SIRPB1: variants seen among roughly 807,000 people sequenced by gnomAD.
SIRPB1 encodes signal regulatory protein beta 1.
In SIRPB1, 28 loss-of-function variants were observed where a neutral mutation model predicts 34.1. That is an observed-to-expected ratio of 0.82 (90% CI 0.61 to 1.12). The LOEUF (loss-of-function observed/expected upper bound fraction) is 1.12. SIRPB1 is among the 50% of genes most tolerant of loss of function. The pLI, the probability that SIRPB1 is intolerant of heterozygous loss-of-function variation, is 0.00. For synonymous variants in SIRPB1, 211 were observed against 203.8 expected (o/e 1.04, Z -0.30); for missense variants, 499 against 507.0 (o/e 0.98, Z 0.15).
chr20:1,579,662 A>G lies in SIRPB1; in HGVS notation c.77-968T>C, dbSNP rs182218816. ...AATTTTTCACCCATAGCATAATCAC[A>G]TTACCTAAGTTTCCTAATGCTGATG... On this transcript the variant is annotated intron_variant, in intron 1 of 5. Coordinates refer to ENST00000381605, the MANE Select transcript of SIRPB1 (RefSeq NM_006065.5). Among the ~76,000 whole-genome samples the G allele has an allele frequency of 2.8e-4, 41 of 148,796 alleles. No individual in the cohort carries two copies. In the East Asian group the frequency reaches 7.5e-3, roughly 27 times the overall value.
intron 4 of SIRPB1, among the ~76,000 whole-genome samples, chr20:1,567,018 G>A (rs1489886960): frequency 2.0e-5 from 3 of 152,118 alleles, no homozygotes; most frequent in Non-Finnish European, 2.9e-5. Context: ...TCAGATCTAC[G>A]GAAGCTCATG....
intron 1 of SIRPB1, among the ~76,000 whole-genome samples, chr20:1,617,551 G>T (rs1335224568): frequency 6.6e-6 from 1 of 152,326 alleles, no homozygotes; most frequent in Non-Finnish European, 1.5e-5. Context: ...CATTTGGAGA[G>T]ATATTGGTCA....
Position 1,601,125 on chromosome 20 carries a change from C to T in SIRPB1, c.76+18744G>A, listed in dbSNP as rs2091474654. On this transcript the variant is annotated intron_variant, in intron 1 of 5. Transcript: ENST00000381605. ...GTGTAAAAACCAGAGGACTTCTTGGCAGCAGTGTAGATTGTTATCTCCTGG... is the reference window on the plus strand; with the variant it reads ...GTGTAAAAACCAGAGGACTTCTTGGTAGCAGTGTAGATTGTTATCTCCTGG... Among the ~76,000 whole-genome samples, 2 of 48,884 alleles carry T rather than the reference C, an allele frequency of 4.1e-5. 1 individual carries two copies. The highest frequency in any genetic ancestry group is 7.9e-5 in the Non-Finnish European group (2 of 25,326). The allele number at this position is 48,884 out of a possible 152,430, so 32.1% of individuals were successfully genotyped here.
In SIRPB1 at chr20:1,578,327, G is replaced by A. The variant is rs776657118; in HGVS notation, c.433+11C>T. 4 of 1,578,754 alleles carry A rather than the reference G, an allele frequency of 2.5e-6. 1 individual carries two copies. Among genetic ancestry groups the A allele is most frequent in the Non-Finnish European group, 3.5e-6 (4 of 1,152,700 alleles). On this transcript the variant is annotated intron_variant, in intron 2 of 5. Transcript: ENST00000381605. ...ACACCAGGGGACAAAGGAGGCCCAC[G>A]CTGTACTCACCGCGCACAGACAGCT...
At chr20:1,572,581 G>A (rs2091258764) in intron 2 of SIRPB1, among the ~76,000 whole-genome samples, 1 of 151,772 alleles carries the variant, frequency 6.6e-6, no homozygotes, top group South Asian at 2.1e-4. Context: ...GGATTCAATG[G>A]GGCAATGGAA....
In SIRPB1 at chr20:1,566,233, T is replaced by C. The variant is rs774955833; in HGVS notation, c.1119A>G (p.Val373=). 8 of 1,611,220 alleles carry C rather than the reference T, an allele frequency of 5.0e-6. No individual in the cohort carries two copies. Among genetic ancestry groups the C allele is most frequent in the South Asian group, 1.1e-5 (1 of 90,308 alleles). ...AALAPTAPLL[V]ALLLGPKLLL... is the part of the protein sequence containing the mutation. ...GCAGCTTGGGGCCCAGGAGGAGAGC[T>C]ACGAGGAGTGGAGCAGTAGGAGCCA... Residue 373 remains valine (V), a synonymous_variant, in exon 5 of 6, where the codon GTA becomes GTG. Transcript: ENST00000381605.
At chr20:1,567,097 T>A (rs1019875033) in intron 4 of SIRPB1, among the ~76,000 whole-genome samples, 15 of 151,872 alleles carry the variant, frequency 9.9e-5, no homozygotes, top group Admixed American at 2.0e-4. Context: ...TTAAAAAAAA[T>A]TTTTTTTAAA....
intron 1 of SIRPB1, among the ~76,000 whole-genome samples, chr20:1,618,989 TC>T (rs2091669932): frequency 6.6e-6 from 1 of 152,044 alleles, no homozygotes; most frequent in Admixed American, 6.5e-5. Flanking sequence ...TTAAATGAGG[TC>T]ATTGGGGTGG....
chr20:1,611,727 C>A (rs776990801), intron 1 of SIRPB1: 2 of 861,792 alleles, frequency 2.3e-6, no homozygotes, highest in Admixed American at 2.6e-5. Context: ...GAAAGGAGCA[C>A]AAAGCAGTCA....
intron 1 of SIRPB1, among the ~76,000 whole-genome samples, chr20:1,615,711 G>A (rs1430271356): frequency 2.6e-5 from 4 of 152,114 alleles, no homozygotes; most frequent in African/African-American, 7.2e-5. Context: ...ATTTATAGAA[G>A]AAAGAGAAGA....
intron 3 of SIRPB1, among the ~76,000 whole-genome samples, chr20:1,571,495 G>T (rs1332657488): frequency 6.6e-6 from 1 of 152,186 alleles, no homozygotes; most frequent in Non-Finnish European, 1.5e-5. Context: ...AGTTGCTCTT[G>T]GTGAAATAAA....
Position 1,578,530 on chromosome 20 carries a change from G to A in SIRPB1, c.241C>T (p.Gln81Ter), listed in dbSNP as rs749507849. 2.5e-6 allele frequency: 4 copies of A among 1,583,946 alleles called. 1 individual carries two copies. Among genetic ancestry groups the A allele is most frequent in the South Asian group, 1.1e-5 (1 of 90,504 alleles). ...AGAGRELIYNQKEGHFPRVTT... is the reference protein window; with the variant it reads ...AGAGRELIYN ...ACCCGTGGGAAGTGGCCTTCTTTCT[G>A]ATTGTAGATTAATTCCCGGCCTGCT... The change falls in exon 2 of 6, where the codon CAG becomes TAG. Residue 81 changes from glutamine (Q) to a stop codon, truncating the protein, a stop_gained. Coordinates refer to ENST00000381605, the MANE Select transcript of SIRPB1 (RefSeq NM_006065.5). LOFTEE classifies it high-confidence loss of function.
chr20:1,579,937 T>C (rs1410682905), intron 1 of SIRPB1, among the ~76,000 whole-genome samples: 1 of 148,252 alleles, frequency 6.7e-6, no homozygotes, highest in African/African-American at 2.5e-5. Context: ...TCTGAGGATT[T>C]TAGTTAATAA....
rs563627213 is a variant in SIRPB1 at position 1,611,990 on chromosome 20, T to G, written c.76+7879A>C. ...TTTTTTTCTTTTCTTTTCTTTTTGT[T>G]TTTCTTTTTCTTTTTTTTAAGACAG... is the stretch of plus-strand genomic sequence containing the variant. On this transcript the variant is annotated intron_variant, in intron 1 of 5. Transcript: ENST00000381605. Among the ~76,000 whole-genome samples, 77 of 71,434 alleles carry G rather than the reference T, an allele frequency of 1.1e-3. 33 individuals are homozygous for G. Among genetic ancestry groups the G allele is most frequent in the African/African-American group, 7.0e-3 (77 of 11,068 alleles). The allele number at this position is 71,434 out of a possible 152,430, so 46.9% of individuals were successfully genotyped here. A position where few individuals can be genotyped will look rare whatever the true frequency, so the allele number is the denominator to read the frequency against.
chr20:1,571,197 TAAATA>T (rs2091230772), intron 3 of SIRPB1, 60 bp from the exon 4 acceptor site: 1 of 1,505,250 alleles, frequency 6.6e-7, no homozygotes, highest in Non-Finnish European at 9.1e-7. Context: ...CAGGGAGGGC[TAAATA>T]ACGTAGCTCC....
intron 1 of SIRPB1, 115 bp downstream of exon 1, chr20:1,619,754 C>T (rs6074903): frequency 1.3e-6 from 1 of 740,872 alleles, no homozygotes; most frequent in Non-Finnish European, 2.2e-6. Context: ...CAGTCAAAGC[C>T]TAATCCTTGG....
chr20:1,610,361 A>G lies in SIRPB1; in HGVS notation c.76+9508T>C, dbSNP rs2091551964. ...TATGGACTCTGGCTCCAATTCTGCC[A>G]CTAACTGGCCCTGTGACCATGGACA... On this transcript the variant is annotated intron_variant, in intron 1 of 5. Transcript: ENST00000381605. 2.8e-5 allele frequency among the ~76,000 whole-genome samples: 2 copies of G among 72,550 alleles called. 1 individual carries two copies. Among genetic ancestry groups the G allele is most frequent in the African/African-American group, 1.7e-4 (2 of 11,470 alleles). 47.6% of individuals were successfully genotyped at this position (72,550 alleles called of 152,430 possible).
At chr20:1,569,745 G>A (rs1247266453) in intron 4 of SIRPB1, among the ~76,000 whole-genome samples, 1 of 152,214 alleles carries the variant, frequency 6.6e-6, no homozygotes, top group Non-Finnish European at 1.5e-5. Context: ...GAATCACAAA[G>A]GATGTTGAAT....
Position 1,561,592 on chromosome 20 carries a change from T to G in SIRPB1, c.*3908A>C, listed in dbSNP as rs1235705234. On this transcript the variant is annotated 3_prime_UTR_variant, in exon 6 of 6. Coordinates refer to ENST00000381605, the MANE Select transcript of SIRPB1 (RefSeq NM_006065.5). ...TCTGGGCCCGATGTTGCAGAATGCC[T>G]CCTTATTGAAATTTGTCTGATGTTT... Among the ~76,000 whole-genome samples the G allele has an allele frequency of 6.6e-6, 1 of 152,144 alleles. No individual in the cohort carries two copies. The highest frequency in any genetic ancestry group is 2.4e-5 in the African/African-American group (1 of 41,438).
Sources: allele counts gnomAD v4.1 joint callset (sites outside exome capture counted in the v4.1 genomes callset), GRCh38; gene constraint gnomAD v4.1.1; transcripts MANE v1.5; gene names NCBI Gene and HGNC (gene_info 2026-07-23, HGNC 2026-07-21).